CYBA: variants seen among roughly 807,000 people sequenced by gnomAD.
CYBA encodes the protein cytochrome b-245 alpha chain.
CYBA carries 21 observed loss-of-function variants against 20.8 expected under a neutral mutation model. The ratio of observed to expected loss-of-function variants is 1.01; its 90% confidence interval spans 0.72 to 1.46. The LOEUF (loss-of-function observed/expected upper bound fraction) is 1.46. Among genes scored for constraint, CYBA ranks in the 40% most tolerant of loss-of-function variants. The probability of loss-of-function intolerance (pLI) is 0.00; values close to 1 mark genes in which losing one functional copy is unlikely to be tolerated. For missense variants in CYBA, 344 were observed against 287.0 expected (o/e 1.20, Z -1.43); for synonymous variants, 164 against 127.5 (o/e 1.29, Z -1.93).
intron 5 of CYBA, chr16:88,644,844 G>T (rs984424754): frequency 5.7e-5 from 21 of 370,456 alleles, no homozygotes; most frequent in South Asian, 1.8e-4. Context: ...AGAAGAAAAA[G>T]AAAAATACAA....
At chr16:88,650,255 G>C (rs916378384) in intron 1 of CYBA, 30 of 404,696 alleles carry the variant, frequency 7.4e-5, no homozygotes, top group Non-Finnish European at 1.1e-4. Context: ...AGCCTCACCC[G>C]TGCTGGGCCA....
At chr16:88,645,239 A>T (rs1291250596) in intron 5 of CYBA, 3 of 702,328 alleles carry the variant, frequency 4.3e-6, no homozygotes, top group Non-Finnish European at 7.8e-6. Context: ...AGCCCAGATG[A>T]GCACTTGGCA....
chr16:88,646,002 C>T, intron 5 of CYBA, 114 bp downstream of exon 5: 1 of 904,782 alleles, frequency 1.1e-6, no homozygotes, highest in Non-Finnish European at 1.7e-6. Context: ...ACACTTGCTC[C>T]CAGCCTTGGC....
intron 1 of CYBA, 142 bp downstream of exon 1, chr16:88,650,814 C>T (rs1263016845): frequency 4.6e-6 from 4 of 877,580 alleles, no homozygotes; most frequent in Non-Finnish European, 7.2e-6. Context: ...CCCCGTTCCC[C>T]GCACCCTCCT....
intron 1 of CYBA, chr16:88,650,692 G>A (rs1427871953): frequency 1.6e-6 from 1 of 612,392 alleles, no homozygotes; most frequent in Non-Finnish European, 3.0e-6. Flanking sequence ...TCGCGGAGTC[G>A]GGGGACCGAG....
In CYBA at chr16:88,646,733, G is replaced by C. The variant is rs374701173; in HGVS notation, c.287+22C>G. On this transcript the variant is annotated intron_variant, in intron 4 of 5. Coordinates refer to ENST00000261623, the MANE Select transcript of CYBA (RefSeq NM_000101.4). ...CTCCAAGCCCTCCTGAGCCCTAGAG[G>C]GGGTGCGGGACGGGGACTCACAGGA... 1.5e-5 allele frequency: 24 copies of C among 1,606,958 alleles called. No individual in the cohort carries two copies. In the Middle Eastern group the frequency reaches 4.9e-4, roughly 33 times the overall value.
At chr16:88,649,526 T>A (rs1907427108) in intron 1 of CYBA, among the ~76,000 whole-genome samples, 2 of 152,252 alleles carry the variant, frequency 1.3e-5, no homozygotes, top group Admixed American at 1.3e-4. Context: ...CAGGGGGGAC[T>A]CTTTGTCAAG....
Position 88,650,217 on chromosome 16 carries a change from C to T in CYBA, c.58+739G>A. The T allele has an allele frequency of 2.1e-5, 8 of 374,090 alleles. 1 individual carries two copies. Among genetic ancestry groups the T allele is most frequent in the South Asian group, 1.5e-4 (8 of 53,374 alleles). 23.2% of individuals were successfully genotyped at this position (374,090 alleles called of 1,614,324 possible). On this transcript the variant is annotated intron_variant, in intron 1 of 5. Coordinates refer to ENST00000261623, the MANE Select transcript of CYBA (RefSeq NM_000101.4). Reference sequence around the variant, plus strand: ...CCTTCCTGGAGCTGCTGCAGTGGTGCCTCTGCCCTCAGACCTCGCCTGAGC... The same window carrying T: ...CCTTCCTGGAGCTGCTGCAGTGGTGTCTCTGCCCTCAGACCTCGCCTGAGC...
chr16:88,650,548 C>T, intron 1 of CYBA: 1 of 488,092 alleles, frequency 2.0e-6, no homozygotes. Context: ...GACCTCCAGG[C>T]CAGCTGGCTA....
chr16:88,648,268 G>A (rs1014993594), intron 1 of CYBA, among the ~76,000 whole-genome samples, 154 bp from the exon 2 acceptor site: 2 of 152,204 alleles, frequency 1.3e-5, no homozygotes, highest in African/African-American at 4.8e-5. Flanking sequence ...CCCCCAGGAG[G>A]CACCCCTCTG....
At chr16:88,647,804 G>A in intron 2 of CYBA, 1 of 596,422 alleles carries the variant, frequency 1.7e-6, no homozygotes, top group Non-Finnish European at 3.0e-6. Context: ...TGGCCCTCTG[G>A]TGACACCCCC....
chr16:88,648,250 C>A, intron 1 of CYBA, 136 bp from the exon 2 acceptor site: 2 of 793,060 alleles, frequency 2.5e-6, no homozygotes, highest in East Asian at 2.7e-5. Context: ...GTGACAGGGT[C>A]GGGGACACCC....
chr16:88,645,134 C>G (rs937644275), intron 5 of CYBA: 1 of 699,682 alleles, frequency 1.4e-6, no homozygotes, highest in Non-Finnish European at 2.6e-6. Flanking sequence ...GGGTTTAGCA[C>G]AAGGAATTCC....
At position 88,643,484 on chromosome 16, in the gene CYBA, TG is replaced by T; in HGVS notation, c.456del (p.Ser153AlafsTer38). On this transcript the variant is annotated frameshift_variant, in exon 6 of 6. Transcript: ENST00000261623. This position sits in a 1 kb window ranked among gnomAD's most constrained non-coding sequence, Gnocchi z 4.3. ...PQIGGTIKQP[P>X]SNPPPRPPAE... ...GCCGGGGGCCGCGGCGGGGGGTTGC[TG>T]GGCGGCTGCTTGATGGTGCCTCCGA... is the stretch of plus-strand genomic sequence containing the variant. 6.5e-7 allele frequency: 1 copy of T among 1,532,750 alleles called. No individual in the cohort carries two copies. The allele number at this position is 1,532,750 out of a possible 1,614,324, so 94.9% of individuals were successfully genotyped here.
Position 88,646,675 on chromosome 16 carries a change from C to G in CYBA, c.287+80G>C, listed in dbSNP as rs1468906615. ...TAAGTGGGGGTGGCTCCTGTCCAGGCAGCCCGGCCGGTGGGACAGTGGGGA... is the reference window on the plus strand; with the variant it reads ...TAAGTGGGGGTGGCTCCTGTCCAGGGAGCCCGGCCGGTGGGACAGTGGGGA... On this transcript the variant is annotated intron_variant, in intron 4 of 5. Coordinates refer to ENST00000261623, the MANE Select transcript of CYBA (RefSeq NM_000101.4). 6.1e-6 allele frequency: 8 copies of G among 1,319,904 alleles called. No individual in the cohort carries two copies. The East Asian group carries it at 1.8e-4, about 30-fold the overall frequency. The allele number at this position is 1,319,904 out of a possible 1,614,324, so 81.8% of individuals were successfully genotyped here.
chr16:88,650,841 G>T, intron 1 of CYBA, 115 bp downstream of exon 1: 3 of 1,175,524 alleles, frequency 2.6e-6, no homozygotes, highest in Non-Finnish European at 2.5e-6. Context: ...ACCCCGGCCC[G>T]GCCTGGCCCG....
At chr16:88,646,860 G>C in intron 3 of CYBA, 22 bp from the exon 4 acceptor site, 1 of 1,597,828 alleles carries the variant, frequency 6.3e-7, no homozygotes, top group Non-Finnish European at 8.6e-7. Context: ...AGGAAGGCGA[G>C]ACGGCGCGGC....
At position 88,646,849 on chromosome 16, in the gene CYBA, G is replaced by T. The variant is rs767688472; in HGVS notation, c.204-11C>A. 6.2e-7 allele frequency: 1 copy of T among 1,608,162 alleles called. No individual in the cohort carries two copies. The highest frequency in any genetic ancestry group is 8.5e-7 in the Non-Finnish European group (1 of 1,175,070). ...ATGTACTTCTGTCCCCTGGGGGAGG[G>T]AGGAAGGCGAGACGGCGCGGCTGGG... On this transcript the variant is annotated splice_polypyrimidine_tract_variant and intron_variant, in intron 3 of 5. Coordinates refer to ENST00000261623, the MANE Select transcript of CYBA (RefSeq NM_000101.4).
intron 2 of CYBA, among the ~76,000 whole-genome samples, chr16:88,647,515 G>A (rs1043544399): frequency 1.3e-5 from 2 of 152,224 alleles, no homozygotes; most frequent in Non-Finnish European, 2.9e-5. Flanking sequence ...CAGCCTGGGG[G>A]ACAGAGCGAG....
Sources: gnomAD v4.1 joint callset for allele counts (sites outside exome capture counted in the v4.1 genomes callset) on GRCh38, gnomAD v4.1.1 for gene constraint, Gnocchi (gnomAD v3.1) non-coding constraint, MANE v1.5 for transcripts, NCBI Gene and HGNC (gene_info 2026-07-23, HGNC 2026-07-21) for gene names.